Variants in ARHGAP22 observed in about 807,000 individuals in gnomAD.
The protein encoded by ARHGAP22 is rho GTPase-activating protein 22.
Under a neutral mutation model 59.1 loss-of-function variants are expected in ARHGAP22, and 48 were observed. The observed-to-expected ratio is 0.81, with a 90% CI of 0.64 to 1.03. ARHGAP22 has a LOEUF of 1.03. Ranked by LOEUF, ARHGAP22 falls within the 50% of genes least tolerant of loss-of-function variation. ARHGAP22 has a pLI of 0.00. For missense variants in ARHGAP22, 1,015 were observed against 958.7 expected, an observed-to-expected ratio of 1.06 and a Z score of -0.78; for synonymous variants, 445 against 416.4, an observed-to-expected ratio of 1.07 and a Z score of -0.84.
intron 1 of ARHGAP22, among the ~76,000 whole-genome samples, chr10:48,646,348 T>C (rs527288606): frequency 3.3e-5 from 5 of 152,300 alleles, no homozygotes; most frequent in Admixed American, 1.3e-4. Flanking sequence ...TAATTTGAAA[T>C]TTTATATAAA....
intron 3 of ARHGAP22, among the ~76,000 whole-genome samples, chr10:48,488,720 G>A (rs1393640510): frequency 6.6e-6 from 1 of 152,164 alleles, no homozygotes; most frequent in African/African-American, 2.4e-5. Context: ...CATTAGCGTG[G>A]GTGCTGTTGC....
chr10:48,484,551 C>T (rs2049669816), intron 3 of ARHGAP22, among the ~76,000 whole-genome samples: 1 of 152,176 alleles, frequency 6.6e-6, no homozygotes, highest in Non-Finnish European at 1.5e-5. Flanking sequence ...TAGATAATTG[C>T]TATTATTCCT....
intron 2 of ARHGAP22, among the ~76,000 whole-genome samples, chr10:48,577,800 GGTT>G (rs2058825491): frequency 4.8e-5 from 2 of 41,954 alleles, no homozygotes; most frequent in South Asian, 1.4e-3. Flanking sequence ...GCTCTTTTTT[GGTT>G]TTTTTTTTTT....
In ARHGAP22 at chr10:48,462,257, G is replaced by GC. The variant is rs1491047426; in HGVS notation, c.452-2367_452-2366insG. Among the ~76,000 whole-genome samples, 2 of 118,808 alleles carry GC rather than the reference G, an allele frequency of 1.7e-5. 1 individual carries two copies. The highest frequency in any genetic ancestry group is 3.5e-5 in the Non-Finnish European group (2 of 57,866). 77.9% of individuals were successfully genotyped at this position (118,808 alleles called of 152,430 possible). A position where few individuals can be genotyped will look rare whatever the true frequency, so the allele number is the denominator to read the frequency against. ...TATGCACACTTCGGGGTGGGGGGGG[G>GC]GCACCTGAGTGTGAGGAGAGTGCCG... On this transcript the variant is annotated intron_variant, in intron 4 of 9. Coordinates refer to ENST00000249601, the MANE Select transcript of ARHGAP22 (RefSeq NM_021226.4).
At chr10:48,490,554 C>T (rs1482560093) in intron 3 of ARHGAP22, among the ~76,000 whole-genome samples, 2 of 152,168 alleles carry the variant, frequency 1.3e-5, no homozygotes, top group African/African-American at 4.8e-5. Flanking sequence ...TGTGACTTCC[C>T]GTAGGCACAA....
intron 1 of ARHGAP22, among the ~76,000 whole-genome samples, chr10:48,642,567 C>A (rs1432322622): frequency 2.0e-5 from 3 of 151,492 alleles, no homozygotes; most frequent in Admixed American, 2.0e-4. Flanking sequence ...CCCTTCCTTA[C>A]ACCTTATATA....
chr10:48,544,664 C>T (rs2056271644), intron 3 of ARHGAP22, among the ~76,000 whole-genome samples: 1 of 152,208 alleles, frequency 6.6e-6, no homozygotes, highest in Non-Finnish European at 1.5e-5. Context: ...CTCTACTTTT[C>T]AATCATACAT....
intron 3 of ARHGAP22, among the ~76,000 whole-genome samples, chr10:48,481,761 C>T (rs1437301805): frequency 6.6e-6 from 1 of 152,188 alleles, no homozygotes; most frequent in African/African-American, 2.4e-5. Flanking sequence ...AGTTCTGGGA[C>T]CCCCACATAC....
intron 3 of ARHGAP22, among the ~76,000 whole-genome samples, chr10:48,500,975 T>C (rs2051457335): frequency 6.6e-6 from 1 of 150,608 alleles, no homozygotes; most frequent in Non-Finnish European, 1.5e-5. Context: ...TTGTATAAAA[T>C]TTTGGAGAAG....
chr10:48,535,575 G>A (rs539378750), intron 3 of ARHGAP22, among the ~76,000 whole-genome samples: 1 of 152,320 alleles, frequency 6.6e-6, no homozygotes, highest in African/African-American at 2.4e-5. Context: ...TTACTGCAGG[G>A]AGGATGGGAG....
chr10:48,480,243 C>T (rs924685010), intron 3 of ARHGAP22, among the ~76,000 whole-genome samples: 2 of 152,160 alleles, frequency 1.3e-5, no homozygotes, highest in African/African-American at 4.8e-5. Context: ...GTCACAGAGG[C>T]TGGATGTTAA....
upstream of ARHGAP22, among the ~76,000 whole-genome samples, chr10:48,607,596 T>A (rs991993572): frequency 2.9e-4 from 44 of 152,100 alleles, no homozygotes; most frequent in African/African-American, 1.0e-3. Flanking sequence ...GGCAAGGGGA[T>A]CTGTTGAACA....
At chr10:48,652,362 C>T (rs2062602753) in exon 1 of ARHGAP22, 2 of 1,267,616 alleles carry the variant, frequency 1.6e-6, no homozygotes, top group African/African-American at 1.5e-5. Context: ...AGCAGACAAG[C>T]TAATTCCTGT....
intron 3 of ARHGAP22, among the ~76,000 whole-genome samples, chr10:48,534,825 A>T (rs935366337): frequency 1.3e-5 from 2 of 152,178 alleles, no homozygotes; most frequent in Non-Finnish European, 2.9e-5. Flanking sequence ...CACTTTTACT[A>T]TGTGTGACCC....
intron 3 of ARHGAP22, among the ~76,000 whole-genome samples, chr10:48,491,612 A>G (rs1041149343): frequency 1.3e-5 from 2 of 152,274 alleles, no homozygotes; most frequent in Admixed American, 6.5e-5. Context: ...TGGAGAGGAC[A>G]CGCACTGAGC....
At chr10:48,616,723 A>G (rs544837344) in intron 1 of ARHGAP22, among the ~76,000 whole-genome samples, 1 of 152,248 alleles carries the variant, frequency 6.6e-6, no homozygotes, top group East Asian at 1.9e-4. Context: ...TGAATTCAAC[A>G]TCTGGCAAAA....
At chr10:48,546,045 A>G (rs909444232) in intron 3 of ARHGAP22, among the ~76,000 whole-genome samples, 5 of 152,250 alleles carry the variant, frequency 3.3e-5, no homozygotes. Context: ...CAGGCCCCCA[A>G]GGCAGAGATG....
At position 48,582,976 on chromosome 10, in the gene ARHGAP22, C is replaced by T. The variant is rs1432824002; in HGVS notation, c.211G>A (p.Asp71Asn). The T allele has an allele frequency of 6.2e-7, 1 of 1,614,252 alleles. No homozygotes were observed. The highest frequency in any genetic ancestry group is 8.5e-7 in the Non-Finnish European group (1 of 1,180,048). The stretch of plus-strand genomic sequence containing the variant: ...ACCTGGGGCTTGATCTCATCTTTGT[C>T]CTTGTAGTAGAAAAGCTGATCCCCA... ...LRGDQLFYYK[D>N]KDEIKPQGFI... Residue 71 changes from aspartate to asparagine, a missense_variant, in exon 2 of 10, where the codon GAC becomes AAC. Transcript: ENST00000249601.
intron 3 of ARHGAP22, among the ~76,000 whole-genome samples, chr10:48,546,884 G>C (rs2056485621): frequency 6.6e-6 from 1 of 152,184 alleles, no homozygotes; most frequent in Non-Finnish European, 1.5e-5. Flanking sequence ...TATGAGCCAG[G>C]ATCTGGGTTC....
Sources: allele counts gnomAD v4.1 joint callset (sites outside exome capture counted in the v4.1 genomes callset), GRCh38; gene constraint gnomAD v4.1.1; transcripts MANE v1.5; gene names NCBI Gene and HGNC (gene_info 2026-07-23, HGNC 2026-07-21).